Variants in SEZ6L observed in about 807,000 individuals in gnomAD.
The protein encoded by SEZ6L is seizure related 6 homolog like, also known as seizure 6-like protein.
A neutral mutation model predicts 106.2 loss-of-function variants in SEZ6L; 37 were observed. The observed-to-expected ratio is 0.35, with a 90% CI of 0.27 to 0.46. SEZ6L has a LOEUF of 0.46. SEZ6L is among the 20% of genes least tolerant of loss of function. The pLI, the probability that SEZ6L is intolerant of heterozygous loss-of-function variation, is 1.00. For missense variants in SEZ6L, 1,172 were observed against 1,332.8 expected, an observed-to-expected ratio of 0.88 and a Z score of 1.88; for synonymous variants, 541 against 570.4, an observed-to-expected ratio of 0.95 and a Z score of 0.73.
intron 1 of SEZ6L, among the ~76,000 whole-genome samples, chr22:26,225,254 C>T (rs1159011021): frequency 1.3e-5 from 2 of 152,192 alleles, no homozygotes; most frequent in Non-Finnish European, 2.9e-5. Flanking sequence ...ACAGGACGAG[C>T]TCATCACTGG....
chr22:26,310,718 C>T lies in SEZ6L; in HGVS notation c.1563C>T (p.Asp521=). 2 of 1,614,220 alleles carry T rather than the reference C, an allele frequency of 1.2e-6. No individual in the cohort carries two copies. The highest frequency in any genetic ancestry group is 1.7e-6 in the Non-Finnish European group (2 of 1,180,042). The stretch of plus-strand genomic sequence containing the variant: ...CCAACAAGTCAGCTCTTCTCTACGA[C>T]TCCCTTCAAACCGAGAGTGTCCCTT... ...GQTNKSALLY[D]SLQTESVPFE... is the part of the protein sequence containing the mutation. The change falls in exon 7 of 17, where the codon GAC becomes GAT. Residue 521 remains aspartate, a synonymous_variant. Coordinates refer to ENST00000248933, the MANE Select transcript of SEZ6L (RefSeq NM_021115.5).
At position 26,379,491 on chromosome 22, in the gene SEZ6L, T is replaced by C. The variant is rs2084344406; in HGVS notation, c.3046-775T>C. Among the ~76,000 whole-genome samples, 2 of 152,244 alleles carry C rather than the reference T, an allele frequency of 1.3e-5. 1 individual carries two copies. Among genetic ancestry groups the C allele is most frequent in the South Asian group, 4.1e-4 (2 of 4,832 alleles). On this transcript the variant is annotated intron_variant, in intron 16 of 16. Coordinates refer to ENST00000248933, the MANE Select transcript of SEZ6L (RefSeq NM_021115.5). ...CATGAAGCATAGATGTGATTGCATA[T>C]CTGTGTTGGCTGAATGGGAGCTGGA...
At chr22:26,246,558 A>T (rs1380591604) in intron 1 of SEZ6L, among the ~76,000 whole-genome samples, 1 of 151,312 alleles carries the variant, frequency 6.6e-6, no homozygotes, top group Non-Finnish European at 1.5e-5. Flanking sequence ...TTTTTTACTC[A>T]CCAATGCCCA....
chr22:26,274,526 G>T (rs959399713), intron 1 of SEZ6L, among the ~76,000 whole-genome samples: 4 of 152,146 alleles, frequency 2.6e-5, no homozygotes, highest in Non-Finnish European at 5.9e-5. Flanking sequence ...AAATCCATGT[G>T]CTCCTATTTT....
At chr22:26,279,469 C>T (rs1047018915) in intron 1 of SEZ6L, among the ~76,000 whole-genome samples, 1 of 152,166 alleles carries the variant, frequency 6.6e-6, no homozygotes, top group African/African-American at 2.4e-5. Flanking sequence ...TCTTTCCTGC[C>T]TTTCCTGTCT....
intron 1 of SEZ6L, among the ~76,000 whole-genome samples, chr22:26,194,047 T>C (rs1247942748): frequency 1.3e-5 from 2 of 152,176 alleles, no homozygotes; most frequent in Admixed American, 1.3e-4. Flanking sequence ...AAGGGAGGCT[T>C]CCTGGAGGAG....
chr22:26,294,768 C>T (rs1322206419), intron 3 of SEZ6L, among the ~76,000 whole-genome samples: 1 of 150,974 alleles, frequency 6.6e-6, no homozygotes, highest in African/African-American at 2.4e-5. Context: ...GGAAGCTCCA[C>T]CTGATTCATT....
At chr22:26,202,177 G>A (rs185954597) in intron 1 of SEZ6L, among the ~76,000 whole-genome samples, 47 of 152,260 alleles carry the variant, frequency 3.1e-4, no homozygotes, top group Non-Finnish European at 1.5e-5. Flanking sequence ...GCCTCCCAAA[G>A]TGCTGGGATT....
intron 10 of SEZ6L, among the ~76,000 whole-genome samples, chr22:26,342,304 C>T (rs1215937287): frequency 6.6e-6 from 1 of 152,122 alleles, no homozygotes; most frequent in Non-Finnish European, 1.5e-5. Flanking sequence ...ATTCATCCTA[C>T]CCAGCCCTCT....
chr22:26,180,181 T>TGATG (rs1939296408), intron 1 of SEZ6L, among the ~76,000 whole-genome samples: 1 of 152,210 alleles, frequency 6.6e-6, no homozygotes, highest in Non-Finnish European at 1.5e-5. Flanking sequence ...CAATCGCCAC[T>TGATG]GATGGTGTCT....
chr22:26,352,570 T>A (rs905972564), intron 12 of SEZ6L, among the ~76,000 whole-genome samples: 1 of 152,234 alleles, frequency 6.6e-6, no homozygotes, highest in Non-Finnish European at 1.5e-5. Flanking sequence ...CACAAGTACC[T>A]AAAACAGGCT....
chr22:26,281,467 C>G (rs1406791862), intron 1 of SEZ6L, among the ~76,000 whole-genome samples: 2 of 151,396 alleles, frequency 1.3e-5, no homozygotes, highest in East Asian at 3.9e-4. Context: ...CTCCGCCTCC[C>G]GGGTTCACGC....
chr22:26,257,144 C>T (rs1387143753), intron 1 of SEZ6L, among the ~76,000 whole-genome samples: 2 of 152,162 alleles, frequency 1.3e-5, no homozygotes, highest in Non-Finnish European at 2.9e-5. Flanking sequence ...TGCTATTAAA[C>T]ATCTTAAAAT....
Position 26,375,548 on chromosome 22 carries a change from G to A in SEZ6L, c.2828-27G>A, listed in dbSNP as rs373859466. 1.9e-6 allele frequency: 3 copies of A among 1,590,566 alleles called. No homozygotes were observed. The African/African-American group carries it at 4.0e-5, about 21-fold the overall frequency. ...ACTGGGAGTCAGCTACCTGGGAAAT[G>A]AGGACCTCACTGGCTCCTGTGTTCA... On this transcript the variant is annotated intron_variant, in intron 14 of 16. Coordinates refer to ENST00000248933, the MANE Select transcript of SEZ6L (RefSeq NM_021115.5).
chr22:26,303,413 A>G (rs2081514279), intron 5 of SEZ6L, among the ~76,000 whole-genome samples: 1 of 152,234 alleles, frequency 6.6e-6, no homozygotes, highest in Non-Finnish European at 1.5e-5. Context: ...AAAGGAAAAA[A>G]TATTTATTCT....
In SEZ6L at chr22:26,306,051, A is replaced by G. The variant is rs2081621328; in HGVS notation, c.1421A>G (p.Asn474Ser). The change falls in exon 6 of 17, where the codon AAT becomes AGT. Residue 474 changes from asparagine (N) to serine (S), a missense_variant. By Grantham distance (46) the Asn-to-Ser change is conservative (BLOSUM62 1). Around this residue, in one of 4 missense-constraint regions of SEZ6L, gnomAD observed 534 missense variants for 691.0 expected, o/e 0.77. Transcript: ENST00000248933. ...VLSPSYPENT[N>S]GSQFCIWTIE... ...TCCCCAAGTTACCCTGAAAACACAA[A>G]TGGGAGCCAATTCTGCATCTGGACG... 2.5e-6 allele frequency: 4 copies of G among 1,613,984 alleles called. No homozygotes were observed. Among genetic ancestry groups the G allele is most frequent in the Non-Finnish European group, 3.4e-6 (4 of 1,180,000 alleles).
intron 9 of SEZ6L, among the ~76,000 whole-genome samples, chr22:26,319,670 A>G (rs2082100968): frequency 6.6e-6 from 1 of 152,116 alleles, no homozygotes; most frequent in African/African-American, 2.4e-5. Context: ...AGCCCTTGCC[A>G]CCACCTAACA....
chr22:26,212,425 A>T (rs890509053), intron 1 of SEZ6L, among the ~76,000 whole-genome samples: 10 of 152,170 alleles, frequency 6.6e-5, no homozygotes, highest in Admixed American at 2.0e-4. Flanking sequence ...GGACTTTTTT[A>T]AAAAAATTTT....
Position 26,382,090 on chromosome 22 carries a change from A to T in SEZ6L, c.*1795A>T, listed in dbSNP as rs572013794. On this transcript the variant is annotated 3_prime_UTR_variant, in exon 17 of 17. Transcript: ENST00000248933. Reference sequence around the variant, plus strand: ...GAATATTTTCCTTCTGCCAGAAAAGAATCTTGCACATATACTCCTGAAGGC... The same window carrying T: ...GAATATTTTCCTTCTGCCAGAAAAGTATCTTGCACATATACTCCTGAAGGC... 11 of 516,724 alleles carry T rather than the reference A, an allele frequency of 2.1e-5. 1 individual carries two copies. The highest frequency in any genetic ancestry group is 3.5e-5 in the Non-Finnish European group (9 of 258,686). The allele number at this position is 516,724 out of a possible 1,614,324, so 32.0% of individuals were successfully genotyped here.
Sources: gnomAD v4.1 joint callset for allele counts (sites outside exome capture counted in the v4.1 genomes callset) on GRCh38, gnomAD v4.1.1 for gene constraint, gnomAD v4.1.1 regional missense constraint, MANE v1.5 for transcripts, NCBI Gene and HGNC (gene_info 2026-07-23, HGNC 2026-07-21) for gene names.